The following IQSEC1 variants were observed in gnomAD, a reference collection of about 807,000 sequenced individuals.
The protein encoded by IQSEC1 is IQ motif and SEC7 domain-containing protein 1.
IQSEC1 carries 31 observed loss-of-function variants against 91.0 expected under a neutral mutation model. The observed-to-expected ratio is 0.34, with a 90% confidence interval of 0.26 to 0.46. The LOEUF (loss-of-function observed/expected upper bound fraction) is 0.46, where lower values mean the gene tolerates loss of function less well. Among genes scored for constraint, IQSEC1 ranks in the 20% least tolerant of loss-of-function variants. The pLI is 1.00. For missense variants in IQSEC1, 1,388 were observed against 1,575.6 expected (o/e 0.88, Z 2.02); for synonymous variants, 699 against 662.6 (o/e 1.05, Z -0.84).
chr3:13,157,284 G>T (rs1282297876), intron 2 of IQSEC1, among the ~76,000 whole-genome samples: 1 of 152,196 alleles, frequency 6.6e-6, no homozygotes, highest in East Asian at 1.9e-4. Context: ...TAAACAGTCA[G>T]TTATTAATTC....
At chr3:13,071,029 G>A (rs372153555) in intron 1 of IQSEC1, among the ~76,000 whole-genome samples, 2 of 152,128 alleles carry the variant, frequency 1.3e-5, no homozygotes, top group Non-Finnish European at 2.9e-5. Context: ...GCTGCATCAC[G>A]GGAACATCAA....
chr3:13,065,065 C>T (rs1433231723), intron 1 of IQSEC1, among the ~76,000 whole-genome samples: 1 of 152,270 alleles, frequency 6.6e-6, no homozygotes, highest in Non-Finnish European at 1.5e-5. Context: ...GGGGAAGACA[C>T]ACAGGGCTTG....
intron 1 of IQSEC1, among the ~76,000 whole-genome samples, chr3:13,034,158 G>A (rs555609570): frequency 6.6e-6 from 1 of 152,312 alleles, no homozygotes; most frequent in South Asian, 2.1e-4. Flanking sequence ...GACAGGCCCT[G>A]CCAGGCGAAG....
intron 1 of IQSEC1, among the ~76,000 whole-genome samples, chr3:13,033,296 G>A (rs1255662162): frequency 6.6e-6 from 1 of 152,140 alleles, no homozygotes; most frequent in African/African-American, 2.4e-5. Context: ...GCCCTGTATT[G>A]ATTTGCAGAG....
At chr3:12,998,200 A>G (rs1203001733) in intron 1 of IQSEC1, among the ~76,000 whole-genome samples, 1 of 152,152 alleles carries the variant, frequency 6.6e-6, no homozygotes, top group African/African-American at 2.4e-5. Context: ...AAACACAAAA[A>G]TTAGCTGGGT....
Position 12,900,087 on chromosome 3 carries a change from G to T in IQSEC1, c.*896C>A. The T allele has an allele frequency of 1.0e-6, 1 of 981,614 alleles. No individual in the cohort carries two copies. Among genetic ancestry groups the T allele is most frequent in the Non-Finnish European group, 1.2e-6 (1 of 826,530 alleles). The allele number at this position is 981,614 out of a possible 1,614,324, so 60.8% of individuals were successfully genotyped here. A position where few individuals can be genotyped will look rare whatever the true frequency, so the allele number is the denominator to read the frequency against. ...CTGTCCTGAGTTGCTACTGTAGAGT[G>T]TACTGCAGTTTAGCTATTTGCTTAC... On this transcript the variant is annotated 3_prime_UTR_variant, in exon 14 of 14. Coordinates refer to ENST00000613206, the MANE Select transcript of IQSEC1 (RefSeq NM_001134382.3).
rs531758479 is a variant in IQSEC1 at position 13,043,117 on chromosome 3, G to A, written c.23+29875C>T. On this transcript the variant is annotated intron_variant, in intron 1 of 13. Transcript: ENST00000613206. ...CTAAAATGGAACCGCTATGACAGCC[G>A]CTCATTGGCTGCCGGCAGGGGAATC... Among the ~76,000 whole-genome samples, 97 of 152,268 alleles carry A rather than the reference G, an allele frequency of 6.4e-4. 1 individual carries two copies. The highest frequency in any genetic ancestry group is 2.2e-3 in the African/African-American group (91 of 41,552).
At position 12,967,319 on chromosome 3, in the gene IQSEC1, C is replaced by A. The variant is rs1700643390; in HGVS notation, c.24-25454G>T. 2 of 1,375,144 alleles carry A rather than the reference C, an allele frequency of 1.5e-6. No homozygotes were observed. Among genetic ancestry groups the A allele is most frequent in the Non-Finnish European group, 2.0e-6 (2 of 1,012,100 alleles). 85.2% of individuals were successfully genotyped at this position (1,375,144 alleles called of 1,614,324 possible). On this transcript the variant is annotated intron_variant, in intron 1 of 13. Coordinates refer to ENST00000613206, the MANE Select transcript of IQSEC1 (RefSeq NM_001134382.3). The surrounding 1 kb of genome is among the most constrained non-coding windows in gnomAD (Gnocchi z 5.9). ...GTCACCCGCACTCCCGCACAGGCAT[C>A]CCCACAGCCTGCGCCAGCCCACCGC...
chr3:13,213,326 C>G (rs1430086141), intron 1 of IQSEC1, among the ~76,000 whole-genome samples: 1 of 152,172 alleles, frequency 6.6e-6, no homozygotes, highest in Non-Finnish European at 1.5e-5. Flanking sequence ...ATCTTGGCCC[C>G]CTGTGTATGG....
intron 1 of IQSEC1, among the ~76,000 whole-genome samples, chr3:13,166,278 C>T (rs1693494380): frequency 6.6e-6 from 1 of 152,262 alleles, no homozygotes; most frequent in Non-Finnish European, 1.5e-5. Flanking sequence ...TCACTCAGGA[C>T]CACGTGAAGC....
intron 12 of IQSEC1, among the ~76,000 whole-genome samples, chr3:12,903,692 C>T (rs138799674): frequency 1.3e-3 from 204 of 152,308 alleles, no homozygotes; most frequent in African/African-American, 4.7e-3. Context: ...CTGAGGACTT[C>T]TCCGTGGATT....
chr3:13,081,475 C>T (rs981079136), intron 2 of IQSEC1, among the ~76,000 whole-genome samples: 37 of 152,294 alleles, frequency 2.4e-4, no homozygotes, highest in African/African-American at 8.4e-4. Flanking sequence ...CCCTTTGGCA[C>T]CTGGGCTGGT....
chr3:12,971,173 C>T (rs1196128477), intron 1 of IQSEC1, among the ~76,000 whole-genome samples: 2 of 152,214 alleles, frequency 1.3e-5, no homozygotes, highest in African/African-American at 2.4e-5. Context: ...AAATGAAGCT[C>T]TCCTGAGGCA....
chr3:13,012,964 C>CTTTT lies in IQSEC1; in HGVS notation c.23+60024_23+60027dup, dbSNP rs35541458. On this transcript the variant is annotated intron_variant, in intron 1 of 13. Coordinates refer to ENST00000613206, the MANE Select transcript of IQSEC1 (RefSeq NM_001134382.3). ...ACAGAAACTCCCATGAAAGTCTGGGCTTTTTTTTTTTTTTTTGAGACAGTC... is the reference window on the plus strand; with the variant it reads ...ACAGAAACTCCCATGAAAGTCTGGGCTTTTTTTTTTTTTTTTTTTTGAGACAGTC... Among the ~76,000 whole-genome samples, 9 of 97,514 alleles carry CTTTT rather than the reference C, an allele frequency of 9.2e-5. 3 individuals carry two copies. Among genetic ancestry groups the CTTTT allele is most frequent in the East Asian group, 5.1e-4 (2 of 3,908 alleles). The allele number at this position is 97,514 out of a possible 152,430, so 64.0% of individuals were successfully genotyped here.
chr3:13,195,508 G>A (rs1284605002), intron 1 of IQSEC1, among the ~76,000 whole-genome samples: 4 of 152,310 alleles, frequency 2.6e-5, no homozygotes, highest in East Asian at 1.9e-4. Flanking sequence ...AAACTGTGGC[G>A]AATCCAATTC....
intron 1 of IQSEC1, among the ~76,000 whole-genome samples, chr3:13,248,866 CAG>C (rs1379246190): frequency 4.4e-5 from 4 of 91,496 alleles, no homozygotes; most frequent in Middle Eastern, 5.9e-3. Flanking sequence ...CACAGCTGCA[CAG>C]AGAGATTGAG....
intron 3 of IQSEC1, among the ~76,000 whole-genome samples, chr3:12,931,823 G>A (rs1037520615): frequency 1.3e-5 from 2 of 152,220 alleles, no homozygotes; most frequent in African/African-American, 4.8e-5. Context: ...TCCACAGAAG[G>A]GGGCTGCCTC....
At chr3:13,156,815 G>T (rs1321001012) in intron 2 of IQSEC1, among the ~76,000 whole-genome samples, 1 of 152,200 alleles carries the variant, frequency 6.6e-6, no homozygotes, top group Non-Finnish European at 1.5e-5. Flanking sequence ...ACTCATCTTG[G>T]GTGAGACCTG....
intron 1 of IQSEC1, among the ~76,000 whole-genome samples, chr3:13,004,127 C>T (rs747767164): frequency 1.3e-4 from 20 of 151,928 alleles, no homozygotes; most frequent in Non-Finnish European, 2.8e-4. Flanking sequence ...ATCTATAGAC[C>T]CTGAATGGAG....
Sources: allele counts gnomAD v4.1 joint callset (sites outside exome capture counted in the v4.1 genomes callset), GRCh38; gene constraint gnomAD v4.1.1; non-coding constraint Gnocchi (gnomAD v3.1); transcripts MANE v1.5; gene names NCBI Gene and HGNC (gene_info 2026-07-23, HGNC 2026-07-21).